Variants in FSTL5 observed in about 807,000 individuals in gnomAD.
FSTL5 encodes the protein follistatin like 5.
In FSTL5, 62 loss-of-function variants were observed where a neutral mutation model predicts 89.1. That is an observed-to-expected ratio of 0.70 (90% CI 0.57 to 0.86). FSTL5 has a LOEUF of 0.86. Ranked by LOEUF, FSTL5 falls within the 40% of genes least tolerant of loss-of-function variation. The probability of loss-of-function intolerance (pLI) is 0.00; values close to 1 mark genes in which losing one functional copy is unlikely to be tolerated. For missense variants in FSTL5, 1,057 were observed against 1,001.6 expected, an observed-to-expected ratio of 1.06 and a Z score of -0.75; for synonymous variants, 383 against 346.2, an observed-to-expected ratio of 1.11 and a Z score of -1.18.
chr4:161,691,799 T>A (rs1265761668), intron 6 of FSTL5, among the ~76,000 whole-genome samples: 2 of 152,132 alleles, frequency 1.3e-5, no homozygotes, highest in Non-Finnish European at 2.9e-5. Flanking sequence ...GGAATTCTCT[T>A]ATTTCCTTTG....
At chr4:162,041,199 T>G (rs1578977141) in intron 2 of FSTL5, among the ~76,000 whole-genome samples, 1 of 68,162 alleles carries the variant, frequency 1.5e-5, no homozygotes, top group Non-Finnish European at 2.7e-5. Context: ...AAAGATGAGA[T>G]GGTAAAAAAA....
chr4:161,629,868 C>A (rs1046226915), intron 7 of FSTL5, among the ~76,000 whole-genome samples: 3 of 152,172 alleles, frequency 2.0e-5, no homozygotes, highest in African/African-American at 7.2e-5. Flanking sequence ...GGAAAGCTAT[C>A]CCCTGAACGA....
chr4:161,928,196 A>T (rs1734182673), intron 3 of FSTL5, among the ~76,000 whole-genome samples: 2 of 151,770 alleles, frequency 1.3e-5, no homozygotes, highest in East Asian at 1.9e-4. Flanking sequence ...TCATTTAATG[A>T]TATGGATTTA....
chr4:161,546,686 A>G (rs2126550605), intron 8 of FSTL5, among the ~76,000 whole-genome samples: 1 of 152,128 alleles, frequency 6.6e-6, no homozygotes, highest in Non-Finnish European at 1.5e-5. Context: ...TAAAATCTAA[A>G]AAGTCTTATA....
intron 6 of FSTL5, among the ~76,000 whole-genome samples, chr4:161,662,718 AAAT>A (rs1288203692): frequency 2.0e-5 from 3 of 152,316 alleles, no homozygotes; most frequent in African/African-American, 7.2e-5. Context: ...AGGTTTCCAT[AAAT>A]GTAAAAGACA....
intron 7 of FSTL5, among the ~76,000 whole-genome samples, chr4:161,645,891 A>T (rs191534012): frequency 1.3e-5 from 2 of 152,128 alleles, no homozygotes; most frequent in Admixed American, 1.3e-4. Context: ...ATTCTATTAA[A>T]AATATTAAAT....
intron 4 of FSTL5, among the ~76,000 whole-genome samples, chr4:161,860,915 A>T (rs7694874): frequency 0.71 from 106,840 of 151,336 alleles, 38,347 homozygotes; most frequent in Non-Finnish European, 0.77. Flanking sequence ...TCTCTCTCTC[A>T]CACACACACA....
intron 7 of FSTL5, among the ~76,000 whole-genome samples, chr4:161,654,521 G>T (rs2126680600): frequency 6.6e-6 from 1 of 152,162 alleles, no homozygotes; most frequent in South Asian, 2.1e-4. Context: ...TTATTCTCCA[G>T]ATAGTCTTTA....
intron 15 of FSTL5, among the ~76,000 whole-genome samples, chr4:161,441,161 T>C (rs1489934309): frequency 3.3e-5 from 5 of 152,204 alleles, no homozygotes; most frequent in African/African-American, 1.2e-4. Flanking sequence ...CCAGGAGTAG[T>C]GTGAATCATC....
chr4:161,581,023 A>G lies in FSTL5; in HGVS notation c.1015+6432T>C, dbSNP rs542336638. Among the ~76,000 whole-genome samples the G allele has an allele frequency of 2.0e-4, 30 of 152,288 alleles. No individual in the cohort carries two copies. In the East Asian group the frequency reaches 5.0e-3, roughly 26 times the overall value. The stretch of plus-strand genomic sequence containing the variant: ...GATACATGGCCAATACCACCCCCCA[A>G]GCAAGAGCCAATCTCCTAGATGACA... On this transcript the variant is annotated intron_variant, in intron 8 of 15. Coordinates refer to ENST00000306100, the MANE Select transcript of FSTL5 (RefSeq NM_020116.5).
At chr4:161,583,095 G>A (rs188351772) in intron 8 of FSTL5, among the ~76,000 whole-genome samples, 2 of 152,260 alleles carry the variant, frequency 1.3e-5, no homozygotes, top group African/African-American at 4.8e-5. Flanking sequence ...CCAGCTACTG[G>A]GGAGGCTGAG....
intron 6 of FSTL5, among the ~76,000 whole-genome samples, chr4:161,684,863 T>C (rs192228025): frequency 3.8e-4 from 58 of 152,324 alleles, no homozygotes; most frequent in Non-Finnish European, 7.6e-4. Flanking sequence ...TCCAATGTTA[T>C]CTTGTAGAAT....
intron 3 of FSTL5, among the ~76,000 whole-genome samples, chr4:161,927,307 T>C (rs1734154219): frequency 6.6e-6 from 1 of 151,752 alleles, no homozygotes; most frequent in Admixed American, 6.6e-5. Flanking sequence ...AAAAATATCT[T>C]ATTTCTTATT....
intron 4 of FSTL5, among the ~76,000 whole-genome samples, chr4:161,790,515 T>C (rs905197013): frequency 6.6e-6 from 1 of 152,198 alleles, no homozygotes; most frequent in Non-Finnish European, 1.5e-5. Context: ...TCCTTCATCA[T>C]TTTCATACTA....
chr4:162,010,851 A>G lies in FSTL5; in HGVS notation c.160+22774T>C, dbSNP rs562216044. 7.9e-5 allele frequency among the ~76,000 whole-genome samples: 12 copies of G among 152,268 alleles called. No homozygotes were observed. The East Asian group carries it at 2.3e-3, about 29-fold the overall frequency. On this transcript the variant is annotated intron_variant, in intron 3 of 15. Coordinates refer to ENST00000306100, the MANE Select transcript of FSTL5 (RefSeq NM_020116.5). ...CTTAACTATTCACCAGTTGACAAAC[A>G]TTTTCATTGTTTTCATTTTTTTCTT...
chr4:161,400,420 C>A (rs1440785364), intron 15 of FSTL5, among the ~76,000 whole-genome samples: 2 of 151,914 alleles, frequency 1.3e-5, no homozygotes, highest in African/African-American at 4.8e-5. Context: ...TTCTAAGAAT[C>A]CAGATATATG....
intron 1 of FSTL5, among the ~76,000 whole-genome samples, chr4:162,149,048 A>G (rs917206377): frequency 6.6e-5 from 10 of 152,178 alleles, no homozygotes; most frequent in African/African-American, 2.4e-4. Context: ...TGTGTCATTT[A>G]CCATGTGATC....
intron 7 of FSTL5, among the ~76,000 whole-genome samples, chr4:161,650,411 T>C (rs1347591699): frequency 6.6e-6 from 1 of 152,188 alleles, no homozygotes; most frequent in Non-Finnish European, 1.5e-5. Context: ...TAAAAGTGTA[T>C]AATACAATAA....
At chr4:161,588,416 A>C (rs1733693154) in intron 7 of FSTL5, among the ~76,000 whole-genome samples, 2 of 152,138 alleles carry the variant, frequency 1.3e-5, no homozygotes, top group Admixed American at 1.3e-4. Context: ...CCAAGCCCAG[A>C]TACCATCAAC....
Sources: allele counts gnomAD v4.1 joint callset (sites outside exome capture counted in the v4.1 genomes callset), GRCh38; gene constraint gnomAD v4.1.1; transcripts MANE v1.5; gene names NCBI Gene and HGNC (gene_info 2026-07-23, HGNC 2026-07-21).